Variants in SLC22A14 observed in about 807,000 individuals in gnomAD.
The protein encoded by SLC22A14 is organic cation transporter-like 4.
In SLC22A14, 50 loss-of-function variants were observed where a neutral mutation model predicts 53.9. The observed-to-expected ratio is 0.93, with a 90% CI of 0.74 to 1.17. The LOEUF (loss-of-function observed/expected upper bound fraction) is 1.17. Among genes scored for constraint, SLC22A14 ranks in the 50% most tolerant of loss-of-function variants. SLC22A14 has a pLI of 0.00. For missense variants in SLC22A14, 671 were observed against 734.7 expected (o/e 0.91, Z 1.00); for synonymous variants, 312 against 303.0 (o/e 1.03, Z -0.31).
chr3:38,304,698 T>C (rs570625080), intron 1 of SLC22A14, among the ~76,000 whole-genome samples: 1 of 152,300 alleles, frequency 6.6e-6, no homozygotes, highest in South Asian at 2.1e-4. Flanking sequence ...TGGCCTGCCT[T>C]CTCTCCAGCT....
At chr3:38,302,251 T>TATATATAC (rs869103319) in intron 1 of SLC22A14, among the ~76,000 whole-genome samples, 4 of 145,454 alleles carry the variant, frequency 2.8e-5, no homozygotes, top group African/African-American at 1.0e-4. Flanking sequence ...AAAAAGTATA[T>TATATATAC]ATATATACAT....
chr3:38,300,048 T>C (rs1704126435), intron 1 of SLC22A14, among the ~76,000 whole-genome samples: 1 of 152,238 alleles, frequency 6.6e-6, no homozygotes, highest in Admixed American at 6.5e-5. Flanking sequence ...GATTGCTAAA[T>C]TAAAAAGTAA....
intron 1 of SLC22A14, among the ~76,000 whole-genome samples, chr3:38,286,289 T>G (rs758478821): frequency 2.6e-5 from 4 of 152,132 alleles, no homozygotes; most frequent in Non-Finnish European, 5.9e-5. Flanking sequence ...AGTATAAATA[T>G]CCTACCATGG....
Position 38,318,439 on chromosome 3 carries a change from A to G in SLC22A14, c.*190A>G, listed in dbSNP as rs563577642. On this transcript the variant is annotated 3_prime_UTR_variant, in exon 11 of 11. Transcript: ENST00000448498. ...ATGGGGTCATGGATTCCAGGCCACA[A>G]ATTCCAGGCCTAGTTCAGTCTGGGG... is the stretch of plus-strand genomic sequence containing the variant. 3.3e-6 allele frequency: 2 copies of G among 608,570 alleles called. No homozygotes were observed. Among genetic ancestry groups the G allele is most frequent in the Non-Finnish European group, 6.0e-6 (2 of 335,934 alleles). 37.7% of individuals were successfully genotyped at this position (608,570 alleles called of 1,614,324 possible).
At chr3:38,309,980 C>G (rs1280577727) in intron 5 of SLC22A14, among the ~76,000 whole-genome samples, 1 of 152,154 alleles carries the variant, frequency 6.6e-6, no homozygotes, top group Non-Finnish European at 1.5e-5. Flanking sequence ...TCTAACAGCA[C>G]ACAGCTAGAA....
At chr3:38,310,976 C>T (rs898996917) in intron 5 of SLC22A14, among the ~76,000 whole-genome samples, 3 of 152,222 alleles carry the variant, frequency 2.0e-5, no homozygotes, top group African/African-American at 7.2e-5. Flanking sequence ...TAATCTCTCT[C>T]ACTGTCTGGA....
chr3:38,313,692 G>GCGCGCGCA (rs373092519), intron 7 of SLC22A14, 35 bp from the exon 8 acceptor site: 53 of 1,433,894 alleles, frequency 3.7e-5, no homozygotes, highest in African/African-American at 5.5e-5. Context: ...GTGTGCGCGC[G>GCGCGCGCA]TGTGCACGCG....
intron 1 of SLC22A14, among the ~76,000 whole-genome samples, chr3:38,292,719 C>T (rs1703939905): frequency 6.6e-6 from 1 of 152,090 alleles, no homozygotes; most frequent in Non-Finnish European, 1.5e-5. Flanking sequence ...GCCCAGACTT[C>T]AGGATTAATT....
chr3:38,316,615 C>T (rs1704630179), intron 10 of SLC22A14, 91 bp downstream of exon 10: 6 of 1,162,368 alleles, frequency 5.2e-6, no homozygotes, highest in Non-Finnish European at 6.2e-6. Context: ...TCCATCCCCG[C>T]CCCTCTGCCG....
intron 1 of SLC22A14, among the ~76,000 whole-genome samples, chr3:38,299,570 A>G (rs957412244): frequency 6.6e-6 from 1 of 152,086 alleles, no homozygotes; most frequent in Non-Finnish European, 1.5e-5. Context: ...GCATAATGTC[A>G]CTTTTTATTT....
intron 5 of SLC22A14, among the ~76,000 whole-genome samples, chr3:38,310,506 T>A (rs1704440097): frequency 6.6e-6 from 1 of 152,220 alleles, no homozygotes; most frequent in African/African-American, 2.4e-5. Context: ...TTCTTCCTCC[T>A]GTCTCCTTGT....
upstream of SLC22A14, among the ~76,000 whole-genome samples, chr3:38,278,995 G>A (rs1703618501): frequency 6.6e-6 from 1 of 152,084 alleles, no homozygotes; most frequent in Admixed American, 6.5e-5. Flanking sequence ...CCTTGCCCCA[G>A]CTAACCTCCC....
Position 38,316,537 on chromosome 3 carries a change from G to T in SLC22A14, c.1733+13G>T. 1 of 1,612,342 alleles carries T rather than the reference G, an allele frequency of 6.2e-7. No homozygotes were observed. Among genetic ancestry groups the T allele is most frequent in the Non-Finnish European group, 8.5e-7 (1 of 1,178,628 alleles). On this transcript the variant is annotated intron_variant, in intron 10 of 10. Transcript: ENST00000448498. ...CCTCACAGATAAGGTAGGTGTGGGA[G>T]CCTCCTGGGCTGTGCCAGCACGGGG...
At chr3:38,317,612 A>C (rs1347314535) in intron 10 of SLC22A14, among the ~76,000 whole-genome samples, 1 of 152,184 alleles carries the variant, frequency 6.6e-6, no homozygotes, top group Admixed American at 6.5e-5. Context: ...ATGTGCCGCA[A>C]CTTCCTAGTG....
chr3:38,316,152 C>G (rs535807809), intron 9 of SLC22A14, among the ~76,000 whole-genome samples, 172 bp from the exon 10 acceptor site: 1 of 152,230 alleles, frequency 6.6e-6, no homozygotes, highest in Admixed American at 6.5e-5. Flanking sequence ...GCCTCTCCCC[C>G]TCCTCATCCC....
At chr3:38,293,356 A>G (rs933874506) in intron 1 of SLC22A14, among the ~76,000 whole-genome samples, 1 of 152,132 alleles carries the variant, frequency 6.6e-6, no homozygotes, top group Non-Finnish European at 1.5e-5. Context: ...CCATGACTAA[A>G]GTGGTGGCCT....
intron 1 of SLC22A14, among the ~76,000 whole-genome samples, chr3:38,304,893 T>C (rs1368794939): frequency 6.6e-6 from 1 of 152,216 alleles, no homozygotes; most frequent in African/African-American, 2.4e-5. Context: ...GCTTCCAATT[T>C]GATACATGTT....
At chr3:38,300,527 G>A (rs1704136871) in intron 1 of SLC22A14, among the ~76,000 whole-genome samples, 1 of 152,136 alleles carries the variant, frequency 6.6e-6, no homozygotes, top group African/African-American at 2.4e-5. Flanking sequence ...GGCACATTGG[G>A]TGGAGTCTAG....
chr3:38,313,697 C>T (rs779773374), intron 7 of SLC22A14, 30 bp from the exon 8 acceptor site: 140 of 985,370 alleles, frequency 1.4e-4, no homozygotes, highest in Non-Finnish European at 1.9e-4. Flanking sequence ...CGCGCGTGTG[C>T]ACGCGCACTT....
Sources: allele counts gnomAD v4.1 joint callset (sites outside exome capture counted in the v4.1 genomes callset), GRCh38; gene constraint gnomAD v4.1.1; transcripts MANE v1.5; gene names NCBI Gene and HGNC (gene_info 2026-07-23, HGNC 2026-07-21).